The following DACH2 variants were observed in gnomAD, a reference collection of about 807,000 sequenced individuals.
DACH2 encodes the protein dachshund homolog 2.
In DACH2, 17 loss-of-function variants were observed where a neutral mutation model predicts 35.8. The observed-to-expected ratio is 0.48, with a 90% CI of 0.33 to 0.71. The LOEUF (loss-of-function observed/expected upper bound fraction) is 0.71, where lower values mean the gene tolerates loss of function less well. DACH2 is among the 30% of genes least tolerant of loss of function. DACH2 has a pLI of 0.02. For synonymous variants in DACH2, 195 were observed against 177.3 expected (o/e 1.10, Z -0.79); for missense variants, 469 against 472.7 (o/e 0.99, Z 0.07).
At chrX:86,804,472 A>G (rs1410102304) in intron 7 of DACH2, among the ~76,000 whole-genome samples, 2 of 111,483 alleles carry the variant, frequency 1.8e-5, no homozygotes, top group African/African-American at 6.5e-5. Flanking sequence ...ACAGATCCAA[A>G]CCATATCATT....
At chrX:86,815,613 A>T (rs952346795) in intron 10 of DACH2, among the ~76,000 whole-genome samples, 4 of 105,845 alleles carry the variant, frequency 3.8e-5, no homozygotes, top group Non-Finnish European at 5.8e-5. Flanking sequence ...GTATATACAC[A>T]TATTTATATA....
chrX:86,283,869 T>TACACACACACAC (rs780423253), intron 1 of DACH2, among the ~76,000 whole-genome samples: 1 of 55,012 alleles, frequency 1.8e-5, no homozygotes, highest in African/African-American at 1.1e-4. Flanking sequence ...ACTTAAAGTA[T>TACACACACACAC]ATACACACAC....
intron 1 of DACH2, among the ~76,000 whole-genome samples, chrX:86,369,860 G>A (rs190866572): frequency 2.2e-4 from 25 of 111,605 alleles, no homozygotes; most frequent in African/African-American, 7.8e-4. Flanking sequence ...CACCATGGCT[G>A]TTCTTATACA....
intron 1 of DACH2, among the ~76,000 whole-genome samples, chrX:86,221,808 A>G (rs1031160836): frequency 8.9e-6 from 1 of 112,221 alleles, no homozygotes; most frequent in Non-Finnish European, 1.9e-5. Context: ...ATAGAATTTA[A>G]TTTTCTCACA....
intron 1 of DACH2, among the ~76,000 whole-genome samples, chrX:86,190,770 C>A (rs916889318): frequency 1.8e-5 from 2 of 110,843 alleles, no homozygotes; most frequent in Admixed American, 1.9e-4. Context: ...CATGGAGAAA[C>A]CCCATCTCTA....
intron 7 of DACH2, among the ~76,000 whole-genome samples, chrX:86,806,434 C>T (rs2042345847): frequency 9.0e-6 from 1 of 111,453 alleles, no homozygotes. Context: ...GGATTTTTGA[C>T]GTGAGATTTG....
chrX:86,443,192 C>A (rs1011808996), intron 2 of DACH2, among the ~76,000 whole-genome samples: 1 of 111,616 alleles, frequency 9.0e-6, no homozygotes, highest in Non-Finnish European at 1.9e-5. Flanking sequence ...AATCCATAAT[C>A]GCAGAATATT....
At chrX:86,541,242 T>C (rs1411714642) in intron 3 of DACH2, among the ~76,000 whole-genome samples, 1 of 111,846 alleles carries the variant, frequency 8.9e-6, no homozygotes, top group Admixed American at 9.5e-5. Context: ...GAATATATGC[T>C]CCTTAGCACA....
chrX:86,380,750 T>C (rs1448228992), intron 2 of DACH2, among the ~76,000 whole-genome samples: 4 of 110,528 alleles, frequency 3.6e-5, no homozygotes, highest in Non-Finnish European at 7.6e-5. Flanking sequence ...GTGTGTATCA[T>C]TGCTGTGTCT....
At chrX:86,595,865 CCTGA>C (rs1239849116) in intron 3 of DACH2, among the ~76,000 whole-genome samples, 1 of 110,160 alleles carries the variant, frequency 9.1e-6, no homozygotes, top group Non-Finnish European at 1.9e-5. Context: ...TTTTTCAAGA[CCTGA>C]AAGTGAAACC....
At chrX:86,513,383 C>T (rs1037544174) in intron 2 of DACH2, among the ~76,000 whole-genome samples, 1 of 111,687 alleles carries the variant, frequency 9.0e-6, no homozygotes, top group Admixed American at 9.5e-5. Context: ...TTGGGTGACT[C>T]GAGAATAACT....
chrX:86,660,124 G>A (rs1467033791), intron 4 of DACH2, among the ~76,000 whole-genome samples: 1 of 111,448 alleles, frequency 9.0e-6, no homozygotes, highest in East Asian at 2.8e-4. Flanking sequence ...ATTCATGGGT[G>A]ATCACTCTTC....
At chrX:86,231,460 G>A (rs773072594) in intron 1 of DACH2, among the ~76,000 whole-genome samples, 4 of 110,270 alleles carry the variant, frequency 3.6e-5, no homozygotes, top group African/African-American at 1.3e-4. Context: ...TGGCTGCTGT[G>A]GGGGGTGGGG....
chrX:86,629,200 A>G (rs898899226), intron 3 of DACH2, among the ~76,000 whole-genome samples: 4 of 111,341 alleles, frequency 3.6e-5, no homozygotes, highest in African/African-American at 1.3e-4. Context: ...CTAGGCATGG[A>G]AAGAGTCACT....
intron 1 of DACH2, among the ~76,000 whole-genome samples, chrX:86,155,215 A>G (rs2030502816): frequency 9.0e-6 from 1 of 110,712 alleles, no homozygotes. Flanking sequence ...TGCAGCTGCA[A>G]TATACTCTTA....
intron 3 of DACH2, among the ~76,000 whole-genome samples, chrX:86,539,829 C>T (rs774016524): frequency 3.6e-5 from 4 of 111,281 alleles, no homozygotes; most frequent in South Asian, 7.5e-4. Flanking sequence ...TAGTGTCTGG[C>T]ATAGTAAGTA....
intron 1 of DACH2, among the ~76,000 whole-genome samples, chrX:86,326,999 G>C (rs1237180471): frequency 8.9e-6 from 1 of 111,782 alleles, no homozygotes; most frequent in Non-Finnish European, 1.9e-5. Flanking sequence ...AGAGTTGACT[G>C]TGTACCAGGC....
At chrX:86,740,367 T>A (rs2147260387) in intron 7 of DACH2, among the ~76,000 whole-genome samples, 1 of 109,625 alleles carries the variant, frequency 9.1e-6, no homozygotes, top group East Asian at 2.9e-4. Context: ...ATTATTATTT[T>A]TATACTTTAA....
At chrX:86,415,553 T>A (rs2036689775) in intron 2 of DACH2, among the ~76,000 whole-genome samples, 1 of 112,279 alleles carries the variant, frequency 8.9e-6, no homozygotes, top group Non-Finnish European at 1.9e-5. Flanking sequence ...GGAGATTATC[T>A]TGCCTTGGTG....
Sources: allele counts gnomAD v4.1 joint callset (sites outside exome capture counted in the v4.1 genomes callset), GRCh38; gene constraint gnomAD v4.1.1; transcripts MANE v1.5; gene names NCBI Gene and HGNC (gene_info 2026-07-23, HGNC 2026-07-21).